The following HS6ST3 variants were observed in gnomAD, a reference collection of about 807,000 sequenced individuals.
HS6ST3 encodes heparan-sulfate 6-O-sulfotransferase 3.
A neutral mutation model predicts 36.7 loss-of-function variants in HS6ST3; 12 were observed. That is an observed-to-expected ratio of 0.33 (90% confidence interval 0.21 to 0.53). HS6ST3 has a LOEUF of 0.53. Ranked by LOEUF, HS6ST3 falls within the 20% of genes least tolerant of loss-of-function variation. HS6ST3 has a pLI of 0.95. For missense variants in HS6ST3, 584 were observed against 640.9 expected (o/e 0.91, Z 0.96); for synonymous variants, 240 against 257.5 (o/e 0.93, Z 0.65).
intron 1 of HS6ST3, among the ~76,000 whole-genome samples, chr13:96,709,562 T>C (rs749544793): frequency 6.6e-6 from 1 of 152,090 alleles, no homozygotes; most frequent in Non-Finnish European, 1.5e-5. Context: ...ATGAATGGGA[T>C]AAACACCCTT....
At position 96,161,264 on chromosome 13, in the gene HS6ST3, T is replaced by C. The variant is rs7318775; in HGVS notation, c.707+69695T>C. Among the ~76,000 whole-genome samples, 1,331 of 152,226 alleles carry C rather than the reference T, an allele frequency of 8.7e-3. 13 individuals carry two copies. The highest frequency in any genetic ancestry group is 0.031 in the African/African-American group (1,280 of 41,538). ...ACACTCACAGAGATAGGAGACCTTATAGAGGCCCAGTTAAAGAAATGTCTA... is the reference window on the plus strand; with the variant it reads ...ACACTCACAGAGATAGGAGACCTTACAGAGGCCCAGTTAAAGAAATGTCTA... On this transcript the variant is annotated intron_variant, in intron 1 of 1. Transcript: ENST00000376705.
intron 1 of HS6ST3, among the ~76,000 whole-genome samples, chr13:96,136,098 G>T (rs949105131): frequency 9.9e-5 from 15 of 152,156 alleles, no homozygotes; most frequent in South Asian, 2.1e-4. Context: ...CTTAAGGTAA[G>T]TTATCACCGT....
intron 1 of HS6ST3, among the ~76,000 whole-genome samples, chr13:96,605,768 A>G (rs1470562091): frequency 1.3e-5 from 2 of 152,170 alleles, no homozygotes; most frequent in African/African-American, 4.8e-5. Flanking sequence ...GCTTGTTTAC[A>G]GCAAAGGAAA....
intron 1 of HS6ST3, among the ~76,000 whole-genome samples, chr13:96,697,566 T>C (rs1455272302): frequency 2.0e-5 from 3 of 152,112 alleles, no homozygotes; most frequent in Non-Finnish European, 4.4e-5. Flanking sequence ...TATAGCTAGA[T>C]ATAGCAAAAT....
chr13:96,136,325 A>G (rs1364317276), intron 1 of HS6ST3, among the ~76,000 whole-genome samples: 3 of 152,146 alleles, frequency 2.0e-5, no homozygotes, highest in Non-Finnish European at 4.4e-5. Flanking sequence ...ATTGGCTTCC[A>G]CGGGCTATAT....
chr13:96,509,682 T>C (rs1159156806), intron 1 of HS6ST3, among the ~76,000 whole-genome samples: 1 of 152,230 alleles, frequency 6.6e-6, no homozygotes, highest in African/African-American at 2.4e-5. Flanking sequence ...CTGGGTTCTC[T>C]ATTCTGTTTC....
rs1365927235 is a variant in HS6ST3, at chr13:96,254,511, A to G, written c.707+162942A>G. ...TATATATATATATACACATACATAC[A>G]CACACACACTTTTTTCTTTTCACAC... On this transcript the variant is annotated intron_variant, in intron 1 of 1. Coordinates refer to ENST00000376705, the MANE Select transcript of HS6ST3 (RefSeq NM_153456.4). Among the ~76,000 whole-genome samples, 2 of 33,052 alleles carry G rather than the reference A, an allele frequency of 6.1e-5. 1 individual carries two copies. The highest frequency in any genetic ancestry group is 1.3e-4 in the African/African-American group (2 of 15,142). 21.7% of individuals were successfully genotyped at this position (33,052 alleles called of 152,430 possible). A position where few individuals can be genotyped will look rare whatever the true frequency, so the allele number is the denominator to read the frequency against.
At chr13:96,617,868 A>G (rs773915911) in intron 1 of HS6ST3, among the ~76,000 whole-genome samples, 3 of 152,230 alleles carry the variant, frequency 2.0e-5, no homozygotes, top group Non-Finnish European at 4.4e-5. Context: ...AGTTCCACTG[A>G]AAAGAAGCCT....
At chr13:96,283,114 G>A (rs1445927658) in intron 1 of HS6ST3, among the ~76,000 whole-genome samples, 1 of 152,148 alleles carries the variant, frequency 6.6e-6, no homozygotes, top group Non-Finnish European at 1.5e-5. Flanking sequence ...TTTCAGATAC[G>A]TTGATGATGG....
At chr13:96,358,076 C>T (rs1402285528) in intron 1 of HS6ST3, among the ~76,000 whole-genome samples, 2 of 151,954 alleles carry the variant, frequency 1.3e-5, no homozygotes, top group Non-Finnish European at 2.9e-5. Context: ...CTGTAAAGTG[C>T]AATAAAGTGA....
At chr13:96,177,031 A>G (rs2054215661) in intron 1 of HS6ST3, among the ~76,000 whole-genome samples, 1 of 152,200 alleles carries the variant, frequency 6.6e-6, no homozygotes, top group Non-Finnish European at 1.5e-5. Flanking sequence ...GCTCAATATC[A>G]CTGATCATTA....
chr13:96,270,681 C>A (rs752327), intron 1 of HS6ST3, among the ~76,000 whole-genome samples: 2 of 151,674 alleles, frequency 1.3e-5, no homozygotes, highest in African/African-American at 4.9e-5. Context: ...CTGTCCTCAA[C>A]AAAATTGTCT....
intron 1 of HS6ST3, among the ~76,000 whole-genome samples, chr13:96,173,821 C>A (rs1257984248): frequency 5.8e-5 from 2 of 34,362 alleles, no homozygotes; most frequent in Non-Finnish European, 1.2e-4. Context: ...ACCTTAATTT[C>A]TCTTTGTGTG....
chr13:96,207,278 A>G (rs929390924), intron 1 of HS6ST3, among the ~76,000 whole-genome samples: 2 of 152,110 alleles, frequency 1.3e-5, no homozygotes, highest in African/African-American at 4.8e-5. Flanking sequence ...CAGTCAGAAC[A>G]GCTATTATTA....
intron 1 of HS6ST3, among the ~76,000 whole-genome samples, chr13:96,284,930 T>TCTTC (rs1566311607): frequency 7.6e-6 from 1 of 132,116 alleles, no homozygotes; most frequent in Non-Finnish European, 1.7e-5. Flanking sequence ...TTTCTTTCTT[T>TCTTC]CTTTCTTTCT....
At chr13:96,523,217 CT>C (rs1355206922) in intron 1 of HS6ST3, among the ~76,000 whole-genome samples, 1 of 152,156 alleles carries the variant, frequency 6.6e-6, no homozygotes, top group Non-Finnish European at 1.5e-5. Context: ...TGTAGGGTTT[CT>C]GCCGAGAGGG....
At chr13:96,636,957 G>GA (rs1251290420) in intron 1 of HS6ST3, among the ~76,000 whole-genome samples, 1 of 151,412 alleles carries the variant, frequency 6.6e-6, no homozygotes, top group Non-Finnish European at 1.5e-5. Flanking sequence ...TTTAAAAACA[G>GA]AAAAAGAAGT....
intron 1 of HS6ST3, among the ~76,000 whole-genome samples, chr13:96,300,120 G>A (rs1262364465): frequency 7.2e-6 from 1 of 138,268 alleles, no homozygotes; most frequent in Non-Finnish European, 1.5e-5. Flanking sequence ...GCAGTGGTGT[G>A]ATCTGGGCTT....
chr13:96,362,732 C>T (rs2055244502), intron 1 of HS6ST3, among the ~76,000 whole-genome samples: 1 of 152,136 alleles, frequency 6.6e-6, no homozygotes, highest in Non-Finnish European at 1.5e-5. Context: ...TTACCCAAAC[C>T]TGGACACAAA....
Sources: gnomAD v4.1 joint callset for allele counts (sites outside exome capture counted in the v4.1 genomes callset) on GRCh38, gnomAD v4.1.1 for gene constraint, MANE v1.5 for transcripts, NCBI Gene and HGNC (gene_info 2026-07-23, HGNC 2026-07-21) for gene names.